The following CPNE4 variants were observed in gnomAD, a reference collection of about 807,000 sequenced individuals.
CPNE4 encodes copine-4.
In CPNE4, 25 loss-of-function variants were observed where a neutral mutation model predicts 67.9. That is an observed-to-expected ratio of 0.37 (90% CI 0.27 to 0.51). The LOEUF is 0.51. Ranked by LOEUF, CPNE4 falls within the 20% of genes least tolerant of loss-of-function variation. CPNE4 has a pLI of 0.93. For missense variants in CPNE4, 464 were observed against 690.8 expected (o/e 0.67, Z 3.68); for synonymous variants, 242 against 244.9 (o/e 0.99, Z 0.11).
At chr3:131,967,275 T>A (rs1449480938) in intron 1 of CPNE4, among the ~76,000 whole-genome samples, 3 of 152,232 alleles carry the variant, frequency 2.0e-5, no homozygotes, top group African/African-American at 7.2e-5. Flanking sequence ...TCATACTGAA[T>A]GGGCAAAAAC....
intron 2 of CPNE4, among the ~76,000 whole-genome samples, chr3:131,773,586 G>C (rs531520024): frequency 1.1e-4 from 17 of 152,116 alleles, no homozygotes; most frequent in African/African-American, 3.9e-4. Flanking sequence ...GATCTCAAGA[G>C]ATCCGCCTGC....
At chr3:131,957,566 G>A (rs1270811565) in intron 1 of CPNE4, among the ~76,000 whole-genome samples, 1 of 152,148 alleles carries the variant, frequency 6.6e-6, no homozygotes, top group Non-Finnish European at 1.5e-5. Flanking sequence ...TTTCACTGAG[G>A]AAAACAAATT....
chr3:131,971,114 T>C (rs1439040288), intron 1 of CPNE4, among the ~76,000 whole-genome samples: 1 of 152,224 alleles, frequency 6.6e-6, no homozygotes, highest in Non-Finnish European at 1.5e-5. Context: ...TACAGTCACA[T>C]GTCTGACGCC....
chr3:132,037,330 CTGAAGGCA>C (rs1165340369), upstream of CPNE4, among the ~76,000 whole-genome samples: 1 of 152,114 alleles, frequency 6.6e-6, no homozygotes, highest in African/African-American at 2.4e-5. Flanking sequence ...GAATTTTTTT[CTGAAGGCA>C]TGACACTGAA....
intron 7 of CPNE4, among the ~76,000 whole-genome samples, chr3:131,634,516 T>G (rs1354201330): frequency 6.6e-6 from 1 of 152,178 alleles, no homozygotes; most frequent in Admixed American, 6.5e-5. Context: ...AGGTCTCCAG[T>G]TTAGAGGCCA....
In CPNE4 at chr3:131,954,146, A is replaced by T. The variant is rs192228102; in HGVS notation, c.-1-48702T>A. Among the ~76,000 whole-genome samples, 788 of 152,030 alleles carry T rather than the reference A, an allele frequency of 5.2e-3. 7 individuals carry two copies. The highest frequency in any genetic ancestry group is 0.018 in the African/African-American group (760 of 41,424). ...CACAGGAAAATATAGCTAAAAAATT[A>T]CCCAATATACAGGTAAAAATATTTT... On this transcript the variant is annotated intron_variant, in intron 1 of 15. Transcript: ENST00000429747.
rs151311781 is a variant in CPNE4 at position 131,737,547 on chromosome 3, T to C, written c.181-13922A>G. On this transcript the variant is annotated intron_variant, in intron 2 of 15. Coordinates refer to ENST00000429747, the MANE Select transcript of CPNE4 (RefSeq NM_130808.3). ...ATCACTGTCAGCATCATTAAAATGA[T>C]CAAGTGATTGATGTTTATTGCATGC... Among the ~76,000 whole-genome samples the C allele has an allele frequency of 7.8e-3, 1,189 of 152,258 alleles. 10 individuals carry two copies. Among genetic ancestry groups the C allele is most frequent in the Middle Eastern group, 0.014 (4 of 294 alleles).
At chr3:131,686,420 C>T (rs2080891267) in intron 5 of CPNE4, among the ~76,000 whole-genome samples, 1 of 152,114 alleles carries the variant, frequency 6.6e-6, no homozygotes. Context: ...TTAGTTCCAC[C>T]TCTTGGTATG....
intron 14 of CPNE4, 145 bp from the exon 15 acceptor site, chr3:131,542,938 T>A: frequency 1.6e-6 from 1 of 626,312 alleles, no homozygotes; most frequent in Non-Finnish European, 2.9e-6. Flanking sequence ...AATGTGCTGA[T>A]AGTCCTAAAG....
chr3:131,721,377 A>T (rs945585033), intron 3 of CPNE4, among the ~76,000 whole-genome samples: 1 of 145,426 alleles, frequency 6.9e-6, no homozygotes, highest in Non-Finnish European at 1.5e-5. Context: ...TTTAGTCCAC[A>T]TGATTCCCAC....
At chr3:131,717,934 C>CTT (rs1168380288) in intron 3 of CPNE4, among the ~76,000 whole-genome samples, 4 of 126,726 alleles carry the variant, frequency 3.2e-5, no homozygotes, top group Middle Eastern at 3.9e-3. Context: ...TTCTTTCTTT[C>CTT]TTTCTTTCTT....
chr3:131,740,231 T>C (rs2037000), intron 2 of CPNE4, among the ~76,000 whole-genome samples: 85,011 of 151,992 alleles, frequency 0.56, 24,599 homozygotes, highest in Non-Finnish European at 0.63. Flanking sequence ...CTCATCTATG[T>C]ATAAGGAAAT....
chr3:131,620,643 G>T lies in CPNE4; in HGVS notation c.682-33061C>A, dbSNP rs183375642. Reference sequence around the variant, plus strand: ...AATAGAAGCCCAGATTATCCAGGTGGGCCCAATATAATTACAAGAGTCCTT... The same window carrying T: ...AATAGAAGCCCAGATTATCCAGGTGTGCCCAATATAATTACAAGAGTCCTT... On this transcript the variant is annotated intron_variant, in intron 7 of 15. Transcript: ENST00000429747. 3.3e-5 allele frequency among the ~76,000 whole-genome samples: 5 copies of T among 152,238 alleles called. No homozygotes were observed. The East Asian group carries it at 9.7e-4, about 29-fold the overall frequency.
intron 2 of CPNE4, among the ~76,000 whole-genome samples, chr3:131,783,030 G>A (rs2083466726): frequency 6.6e-6 from 1 of 152,026 alleles, no homozygotes; most frequent in Non-Finnish European, 1.5e-5. Flanking sequence ...CAATGATTTT[G>A]TGTACAGCTT....
intron 2 of CPNE4, among the ~76,000 whole-genome samples, chr3:131,887,372 G>A (rs2087938625): frequency 6.6e-6 from 1 of 152,104 alleles, no homozygotes; most frequent in Non-Finnish European, 1.5e-5. Flanking sequence ...TCTTTCTTTT[G>A]TAAATTGCCC....
At chr3:131,617,034 AT>A (rs1442750890) in intron 7 of CPNE4, among the ~76,000 whole-genome samples, 1 of 152,168 alleles carries the variant, frequency 6.6e-6, no homozygotes, top group African/African-American at 2.4e-5. Context: ...TATGATGTAG[AT>A]TTATAGGACC....
chr3:131,952,981 T>A (rs903641922), intron 1 of CPNE4, among the ~76,000 whole-genome samples: 1 of 152,008 alleles, frequency 6.6e-6, no homozygotes, highest in Non-Finnish European at 1.5e-5. Context: ...CTGTGTCCAC[T>A]CAGGGTTAAA....
Position 131,857,353 on chromosome 3 carries a change from T to G in CPNE4, c.180+47911A>C, listed in dbSNP as rs2086488530. 2.0e-5 allele frequency among the ~76,000 whole-genome samples: 3 copies of G among 151,988 alleles called. No homozygotes were observed. In the South Asian group the frequency reaches 6.2e-4, roughly 32 times the overall value. On this transcript the variant is annotated intron_variant, in intron 2 of 15. Coordinates refer to ENST00000429747, the MANE Select transcript of CPNE4 (RefSeq NM_130808.3). ...AAATTAGGTAAACGTGAAGAGTGGG[T>G]TCCTGCAGCAGTTTCATCATTCACT...
At chr3:131,669,873 A>G in intron 6 of CPNE4, 109 bp from the exon 7 acceptor site, 3 of 861,108 alleles carry the variant, frequency 3.5e-6, no homozygotes, top group Non-Finnish European at 3.7e-6. Flanking sequence ...GAAAAGAACA[A>G]TAGCCTGGAA....
Sources: allele counts gnomAD v4.1 joint callset (sites outside exome capture counted in the v4.1 genomes callset), GRCh38; gene constraint gnomAD v4.1.1; transcripts MANE v1.5; gene names NCBI Gene and HGNC (gene_info 2026-07-23, HGNC 2026-07-21).